XAB2: variants seen among roughly 807,000 people sequenced by gnomAD.
XAB2 encodes the protein pre-mRNA-splicing factor SYF1.
A neutral mutation model predicts 113.4 loss-of-function variants in XAB2; 57 were observed. The observed-to-expected ratio is 0.50, with a 90% CI of 0.41 to 0.63. The LOEUF (loss-of-function observed/expected upper bound fraction) is 0.63. Among genes scored for constraint, XAB2 ranks in the 20% least tolerant of loss-of-function variants. The pLI is 0.00. For synonymous variants in XAB2, 497 were observed against 498.8 expected, an observed-to-expected ratio of 1.00 and a Z score of 0.05; for missense variants, 1,037 against 1,233.3, an observed-to-expected ratio of 0.84 and a Z score of 2.38.
At position 7,619,736 on chromosome 19, in the gene XAB2, C is replaced by T. The variant is rs374852049; in HGVS notation, c.2506+11G>A. On this transcript the variant is annotated intron_variant, in intron 18 of 18. Transcript: ENST00000358368. ...GTAATGCCACCGTCCCCGCCCCAGCCGGGCCCTCACCGTTGGGCTCCAGGT... is the reference window on the plus strand; with the variant it reads ...GTAATGCCACCGTCCCCGCCCCAGCTGGGCCCTCACCGTTGGGCTCCAGGT... 4.6e-5 allele frequency: 75 copies of T among 1,613,216 alleles called. No homozygotes were observed. The highest frequency in any genetic ancestry group is 6.0e-5 in the Non-Finnish European group (71 of 1,179,704).
chr19:7,620,236 T>G (rs754211819), intron 16 of XAB2, 39 bp downstream of exon 16: 1 of 1,610,546 alleles, frequency 6.2e-7, no homozygotes. Context: ...CGGGCTGAGA[T>G]GCCCTGGATC....
chr19:7,624,495 A>G lies in XAB2; in HGVS notation c.823-50T>C, dbSNP rs371603904. On this transcript the variant is annotated intron_variant, in intron 6 of 18. Coordinates refer to ENST00000358368, the MANE Select transcript of XAB2 (RefSeq NM_020196.3). The surrounding 1 kb of genome is among the most constrained non-coding windows in gnomAD (Gnocchi z 4.2). Reference sequence around the variant, plus strand: ...GTGAGAGGAAAGTGGCGCAGGGGACAGGCAGCAGCACTCTTAGCACCAGCC... The same window carrying G: ...GTGAGAGGAAAGTGGCGCAGGGGACGGGCAGCAGCACTCTTAGCACCAGCC... The G allele has an allele frequency of 1.1e-5, 18 of 1,611,154 alleles. No individual in the cohort carries two copies. Among genetic ancestry groups the G allele is most frequent in the Non-Finnish European group, 1.5e-5 (18 of 1,179,766 alleles).
chr19:7,619,528 T>C lies in XAB2; in HGVS notation c.*58A>G. On this transcript the variant is annotated 3_prime_UTR_variant, in exon 19 of 19. Transcript: ENST00000358368. ...AGCAGGAAGGAGGCTCAGACCATGA[T>C]GTACAAACGTAGCTGTATTGGGGAG... The C allele has an allele frequency of 1.5e-6, 2 of 1,326,730 alleles. No individual in the cohort carries two copies. The highest frequency in any genetic ancestry group is 1.0e-6 in the Non-Finnish European group (1 of 987,730). 82.2% of individuals were successfully genotyped at this position (1,326,730 alleles called of 1,614,324 possible).
chr19:7,624,493 A>T lies in XAB2; in HGVS notation c.823-48T>A. 1 of 1,611,684 alleles carries T rather than the reference A, an allele frequency of 6.2e-7. No homozygotes were observed. Among genetic ancestry groups the T allele is most frequent in the Non-Finnish European group, 8.5e-7 (1 of 1,179,770 alleles). ...AGGTGAGAGGAAAGTGGCGCAGGGG[A>T]CAGGCAGCAGCACTCTTAGCACCAG... On this transcript the variant is annotated intron_variant, in intron 6 of 18. Transcript: ENST00000358368. This position sits in a 1 kb window ranked among gnomAD's most constrained non-coding sequence, Gnocchi z 4.2.
In XAB2 at chr19:7,627,555, G is replaced by A. The variant is rs956663177; in HGVS notation, c.325-115C>T. The A allele has an allele frequency of 8.6e-6, 13 of 1,507,198 alleles. No individual in the cohort carries two copies. In the Admixed American group the frequency reaches 1.1e-4, roughly 13 times the overall value. The allele number at this position is 1,507,198 out of a possible 1,614,324, so 93.4% of individuals were successfully genotyped here. A position where few individuals can be genotyped will look rare whatever the true frequency, so the allele number is the denominator to read the frequency against. On this transcript the variant is annotated intron_variant, in intron 3 of 18. Transcript: ENST00000358368. This position sits in a 1 kb window ranked among gnomAD's most constrained non-coding sequence, Gnocchi z 4.5. Reference sequence around the variant, plus strand: ...TGGGGCCACCACATAAATGCGGCGGGACCCAGAAACCCCCAGCTCCAGGAC... The same window carrying A: ...TGGGGCCACCACATAAATGCGGCGGAACCCAGAAACCCCCAGCTCCAGGAC...
At position 7,619,598 on chromosome 19, in the gene XAB2, C is replaced by G. The variant is rs138952301; in HGVS notation, c.2556G>C (p.Leu852=). 6.3e-7 allele frequency: 1 copy of G among 1,597,750 alleles called. No individual in the cohort carries two copies. The highest frequency in any genetic ancestry group is 8.5e-7 in the Non-Finnish European group (1 of 1,172,038). The change falls in exon 19 of 19, where the codon CTG becomes CTC. Residue 852 remains leucine (L), a synonymous_variant. Coordinates refer to ENST00000358368, the MANE Select transcript of XAB2 (RefSeq NM_020196.3). ...GGGGAGGGACGGGTCAGTCTTCCTTCAGGCTCCCAAACACTGCGGCTGGCA... is the reference window on the plus strand; with the variant it reads ...GGGGAGGGACGGGTCAGTCTTCCTTGAGGCTCCCAAACACTGCGGCTGGCA... ...QSVPAAVFGS[L]KED is the part of the protein sequence containing the mutation.
chr19:7,620,522 T>C (rs1470967854), intron 15 of XAB2, 25 bp downstream of exon 15: 2 of 1,612,928 alleles, frequency 1.2e-6, no homozygotes, highest in Admixed American at 3.3e-5. Flanking sequence ...CCAACCCTGA[T>C]ACCCGTCCCT....
chr19:7,621,596 G>C (rs1037552373), intron 12 of XAB2: 4 of 440,072 alleles, frequency 9.1e-6, no homozygotes, highest in African/African-American at 7.8e-5. Context: ...CTGGCTGCCT[G>C]TCCCCAGGGA....
At position 7,622,455 on chromosome 19, in the gene XAB2, G is replaced by T; in HGVS notation, c.1504-11C>A. The T allele has an allele frequency of 6.2e-7, 1 of 1,614,176 alleles. No individual in the cohort carries two copies. Among genetic ancestry groups the T allele is most frequent in the Non-Finnish European group, 8.5e-7 (1 of 1,180,032 alleles). On this transcript the variant is annotated splice_polypyrimidine_tract_variant and intron_variant, in intron 11 of 18. Transcript: ENST00000358368. ...CACGGCCTTGGTGGACTGCAGGGGT[G>T]GGGATGGGAAAGGTTGGAGCTGGTT...
In XAB2 at chr19:7,620,991, G is replaced by A; in HGVS notation, c.1826C>T (p.Ala609Val). Residue 609 changes from alanine (A) to valine (V), a missense_variant, in exon 14 of 19, where the codon GCC (alanine) becomes GTC (valine). Ala to Val is a moderately conservative substitution (Grantham distance 64). Transcript: ENST00000358368. The stretch of plus-strand genomic sequence containing the variant: ...CTCGTACACGGCCATGGCATGCCGG[G>A]CCAGGCCCCACTCCTCCTCCAGCTG... ...YAQLEEEWGLARHAMAVYERA... is the reference protein window; with the variant it reads ...YAQLEEEWGLVRHAMAVYERA... 1 of 1,567,434 alleles carries A rather than the reference G, an allele frequency of 6.4e-7. No individual in the cohort carries two copies. The highest frequency in any genetic ancestry group is 8.6e-7 in the Non-Finnish European group (1 of 1,157,628).
Position 7,624,165 on chromosome 19 carries a change from C to T in XAB2, c.967+136G>A, listed in dbSNP as rs2031092639. 1 of 1,414,260 alleles carries T rather than the reference C, an allele frequency of 7.1e-7. No homozygotes were observed. The highest frequency in any genetic ancestry group is 9.7e-7 in the Non-Finnish European group (1 of 1,035,548). 87.6% of individuals were successfully genotyped at this position (1,414,260 alleles called of 1,614,324 possible). A position where few individuals can be genotyped will look rare whatever the true frequency, so the allele number is the denominator to read the frequency against. On this transcript the variant is annotated intron_variant, in intron 7 of 18. Transcript: ENST00000358368. This position sits in a 1 kb window ranked among gnomAD's most constrained non-coding sequence, Gnocchi z 4.2. ...GGCTCCTTCAAGACCCCCACACCCC[C>T]TGCATCCACTCAGCCTCCTTCCCTG...
chr19:7,627,379 G>T lies in XAB2; in HGVS notation c.386C>A (p.Thr129Asn), dbSNP rs760230977. Residue 129 changes from threonine (T) to asparagine (N), a missense_variant, in exon 4 of 19, where the codon ACC (threonine) becomes AAC (asparagine). Thr to Asn is a moderately conservative substitution (Grantham distance 65, BLOSUM62 0). Coordinates refer to ENST00000358368, the MANE Select transcript of XAB2 (RefSeq NM_020196.3). This position sits in a 1 kb window ranked among gnomAD's most constrained non-coding sequence, Gnocchi z 4.5. ...FLMDQGRVTH[T>N]RRTFDRALRA... Reference sequence around the variant, plus strand: ...GAGGGCACGGTCGAAGGTGCGGCGGGTGTGTGTGACGCGCCCCTGGTCCAT... The same window carrying T: ...GAGGGCACGGTCGAAGGTGCGGCGGTTGTGTGTGACGCGCCCCTGGTCCAT... 2 of 1,610,550 alleles carry T rather than the reference G, an allele frequency of 1.2e-6. No individual in the cohort carries two copies. Among genetic ancestry groups the T allele is most frequent in the Admixed American group, 3.4e-5 (2 of 59,558 alleles).
Position 7,625,883 on chromosome 19 carries a change from C to T in XAB2, c.819G>A (p.Glu273=), listed in dbSNP as rs1051436019. ...AGCCCCGTGTGCCAGCATGCACCTT[C>T]TCGAAATGGCCGCTGCGGATGTAGT... is the stretch of plus-strand genomic sequence containing the variant. ...ADYYIRSGHF[E]KARDVYEEAI... The change falls in exon 6 of 19, where the codon GAG becomes GAA. Residue 273 remains glutamate, a synonymous_variant. Coordinates refer to ENST00000358368, the MANE Select transcript of XAB2 (RefSeq NM_020196.3). The surrounding 1 kb of genome is among the most constrained non-coding windows in gnomAD (Gnocchi z 5.2). The T allele has an allele frequency of 1.9e-6, 3 of 1,602,806 alleles. No individual in the cohort carries two copies. In the African/African-American group the frequency reaches 4.0e-5, roughly 21 times the overall value.
intron 16 of XAB2, 89 bp downstream of exon 16, chr19:7,620,186 A>G: frequency 6.3e-7 from 1 of 1,596,906 alleles, no homozygotes; most frequent in Non-Finnish European, 8.5e-7. Context: ...GATTGCCATC[A>G]GGATCCGAGG....
rs4134853 is a variant in XAB2 at position 7,622,542 on chromosome 19, G to C, written c.1491C>G (p.Leu497=). 6.2e-7 allele frequency: 1 copy of C among 1,613,734 alleles called. No homozygotes were observed. The highest frequency in any genetic ancestry group is 8.5e-7 in the Non-Finnish European group (1 of 1,180,026). ...ACAGGCAGCTCACCTGGAAGGTGCC[G>C]AGGCTCTCCTCCAGGTCGGCGAGCA... is the stretch of plus-strand genomic sequence containing the variant. ...WSMLADLEES[L]GTFQSTKAVY... Residue 497 remains leucine, a synonymous_variant, in exon 11 of 19, where the codon CTC becomes CTG. Coordinates refer to ENST00000358368, the MANE Select transcript of XAB2 (RefSeq NM_020196.3).
Position 7,622,358 on chromosome 19 carries a change from C to T in XAB2, c.1590G>A (p.Glu530=). 1.2e-6 allele frequency: 2 copies of T among 1,614,182 alleles called. No individual in the cohort carries two copies. The highest frequency in any genetic ancestry group is 1.7e-6 in the Non-Finnish European group (2 of 1,180,044). Residue 530 remains glutamate (E), a synonymous_variant, in exon 12 of 19, where the codon GAG becomes GAA. Transcript: ENST00000358368. The part of the protein sequence containing the change: ...IVINYAMFLE[E]HKYFEESFKA... ...TGAAGCTCTCCTCGAAGTACTTGTGCTCCTCCAGGAACATGGCATAGTTGA... is the reference window on the plus strand; with the variant it reads ...TGAAGCTCTCCTCGAAGTACTTGTGTTCCTCCAGGAACATGGCATAGTTGA...
chr19:7,627,113 A>G lies in XAB2; in HGVS notation c.522+130T>C. The G allele has an allele frequency of 9.3e-7, 1 of 1,078,604 alleles. No individual in the cohort carries two copies. Among genetic ancestry groups the G allele is most frequent in the South Asian group, 1.5e-5 (1 of 67,136 alleles). 66.8% of individuals were successfully genotyped at this position (1,078,604 alleles called of 1,614,324 possible). A position where few individuals can be genotyped will look rare whatever the true frequency, so the allele number is the denominator to read the frequency against. On this transcript the variant is annotated intron_variant, in intron 4 of 18. Transcript: ENST00000358368. This position sits in a 1 kb window ranked among gnomAD's most constrained non-coding sequence, Gnocchi z 4.5. ...AAAGACATGAATCACGGACAACAAC[A>G]AAACACATGCATCTCCAGGAGCCTC...
rs773549499 is a variant in XAB2, at chr19:7,619,545, A to G, written c.*41T>C. ...GACCATGATGTACAAACGTAGCTGTATTGGGGAGGGGGTGGGGAGGGGGGA... is the reference window on the plus strand; with the variant it reads ...GACCATGATGTACAAACGTAGCTGTGTTGGGGAGGGGGTGGGGAGGGGGGA... On this transcript the variant is annotated 3_prime_UTR_variant, in exon 19 of 19. Transcript: ENST00000358368. 8.5e-7 allele frequency: 1 copy of G among 1,180,604 alleles called. No individual in the cohort carries two copies. The highest frequency in any genetic ancestry group is 1.1e-6 in the Non-Finnish European group (1 of 908,902). 73.1% of individuals were successfully genotyped at this position (1,180,604 alleles called of 1,614,324 possible). A position where few individuals can be genotyped will look rare whatever the true frequency, so the allele number is the denominator to read the frequency against.
At position 7,627,054 on chromosome 19, in the gene XAB2, T is replaced by C. The variant is rs1027151985; in HGVS notation, c.522+189A>G. ...CCTCAGCACCCATCGCTATGCCTAATGTGAAACCAGTGTGAACAAACTATT... is the reference window on the plus strand; with the variant it reads ...CCTCAGCACCCATCGCTATGCCTAACGTGAAACCAGTGTGAACAAACTATT... On this transcript the variant is annotated intron_variant, in intron 4 of 18. Coordinates refer to ENST00000358368, the MANE Select transcript of XAB2 (RefSeq NM_020196.3). This position sits in a 1 kb window ranked among gnomAD's most constrained non-coding sequence, Gnocchi z 4.5. Among the ~76,000 whole-genome samples, 1 of 152,220 alleles carries C rather than the reference T, an allele frequency of 6.6e-6. No homozygotes were observed. The highest frequency in any genetic ancestry group is 1.5e-5 in the Non-Finnish European group (1 of 68,036).
Sources: allele counts gnomAD v4.1 joint callset (sites outside exome capture counted in the v4.1 genomes callset), GRCh38; gene constraint gnomAD v4.1.1; non-coding constraint Gnocchi (gnomAD v3.1); transcripts MANE v1.5; gene names NCBI Gene and HGNC (gene_info 2026-07-23, HGNC 2026-07-21).